IDO2: variants seen among roughly 807,000 people sequenced by gnomAD.
The protein encoded by IDO2 is indoleamine 2,3-dioxygenase-like 1 protein.
IDO2 carries 46 observed loss-of-function variants against 45.1 expected under a neutral mutation model. The observed-to-expected ratio is 1.02, with a 90% CI of 0.80 to 1.30. The LOEUF (loss-of-function observed/expected upper bound fraction) is 1.30, where lower values mean the gene tolerates loss of function less well. IDO2 is among the 50% of genes most tolerant of loss of function. The pLI is 0.00. For synonymous variants in IDO2, 218 were observed against 184.9 expected (o/e 1.18, Z -1.45); for missense variants, 544 against 491.8 (o/e 1.11, Z -1.00).
At chr8:39,978,700 T>G (rs947829596) in intron 3 of IDO2, among the ~76,000 whole-genome samples, 1 of 151,962 alleles carries the variant, frequency 6.6e-6, no homozygotes, top group African/African-American at 2.4e-5. Flanking sequence ...CTTGTAAAAG[T>G]TGCCATGCAA....
chr8:40,007,335 G>A (rs538392407), intron 9 of IDO2, among the ~76,000 whole-genome samples: 4 of 152,192 alleles, frequency 2.6e-5, no homozygotes, highest in African/African-American at 4.8e-5. Context: ...TGTGTTTGAC[G>A]TGTGAAGCAC....
intron 1 of IDO2, among the ~76,000 whole-genome samples, chr8:39,943,876 C>T (rs2129593083): frequency 6.6e-6 from 1 of 152,218 alleles, no homozygotes; most frequent in South Asian, 2.1e-4. Flanking sequence ...TACTTTAAGT[C>T]CTAGCCAGAG....
At chr8:39,943,663 G>C (rs980494695) in intron 1 of IDO2, among the ~76,000 whole-genome samples, 2 of 148,320 alleles carry the variant, frequency 1.3e-5, no homozygotes, top group African/African-American at 5.0e-5. Flanking sequence ...CGTGAACCCC[G>C]GGGGGCGGAG....
chr8:39,935,127 C>T (rs1807525938), exon 1 of IDO2: 6 of 1,360,994 alleles, frequency 4.4e-6, no homozygotes, highest in South Asian at 1.2e-5. Context: ...GCAATGGACA[C>T]CTAAAGAACA....
intron 3 of IDO2, among the ~76,000 whole-genome samples, chr8:39,971,482 A>C (rs1357865528): frequency 6.6e-6 from 1 of 152,166 alleles, no homozygotes; most frequent in Non-Finnish European, 1.5e-5. Context: ...TTGGCTTTCA[A>C]GTCTTATTAT....
Position 39,989,703 on chromosome 8 carries a change from C to T in IDO2, c.550-18C>T, listed in dbSNP as rs947781411. ...TAAGGGAGTGCTAATAAGTTGTGTA[C>T]ATGCATCTCATCCCTAGGCTCTTGT... On this transcript the variant is annotated intron_variant, in intron 7 of 10. Transcript: ENST00000502986. 6.6e-7 allele frequency: 1 copy of T among 1,518,808 alleles called. No individual in the cohort carries two copies. Among genetic ancestry groups the T allele is most frequent in the Non-Finnish European group, 9.0e-7 (1 of 1,115,006 alleles). 94.1% of individuals were successfully genotyped at this position (1,518,808 alleles called of 1,614,324 possible). A position where few individuals can be genotyped will look rare whatever the true frequency, so the allele number is the denominator to read the frequency against.
exon 8 of IDO2, chr8:39,989,788 G>C: frequency 6.2e-7 from 1 of 1,605,088 alleles, no homozygotes; most frequent in Non-Finnish European, 8.5e-7. Context: ...GCCCTGCAGC[G>C]ACTGAGACTG....
chr8:39,968,092 A>AC, intron 3 of IDO2, among the ~76,000 whole-genome samples: 1 of 152,176 alleles, frequency 6.6e-6, no homozygotes, highest in South Asian at 2.1e-4. Flanking sequence ...AAAAAAAAAA[A>AC]ATCTGGAAGA....
At chr8:40,002,637 T>G (rs1585419178) in intron 8 of IDO2, among the ~76,000 whole-genome samples, 1 of 152,094 alleles carries the variant, frequency 6.6e-6, no homozygotes, top group East Asian at 1.9e-4. Flanking sequence ...AATACAAAAA[T>G]TAGCTGGACG....
At chr8:39,957,623 A>C (rs1287054741) in intron 2 of IDO2, among the ~76,000 whole-genome samples, 5 of 152,130 alleles carry the variant, frequency 3.3e-5, no homozygotes, top group African/African-American at 1.2e-4. Flanking sequence ...AAAAAACGTA[A>C]AATGAAAATA....
chr8:39,997,794 T>C (rs1585416962), intron 8 of IDO2: 1 of 153,508 alleles, frequency 6.5e-6, no homozygotes, highest in East Asian at 1.9e-4. Context: ...GTCGTTGTCT[T>C]CTGATATTTC....
At position 40,001,245 on chromosome 8, in the gene IDO2, A is replaced by ATTTT. The variant is rs1187145007; in HGVS notation, c.668-4061_668-4058dup. On this transcript the variant is annotated intron_variant, in intron 8 of 10. Coordinates refer to ENST00000502986, the Ensembl canonical transcript of IDO2. ...TTCTGTAAAATATGTGGCTTTCCTC[A>ATTTT]TTTTTTTTTTTTTTTTTTTTTTTTG... Among the ~76,000 whole-genome samples the ATTTT allele has an allele frequency of 7.1e-3, 675 of 94,434 alleles. 6 individuals carry two copies. The highest frequency in any genetic ancestry group is 7.8e-3 in the Non-Finnish European group (425 of 54,156). The allele number at this position is 94,434 out of a possible 152,430, so 62.0% of individuals were successfully genotyped here. A position where few individuals can be genotyped will look rare whatever the true frequency, so the allele number is the denominator to read the frequency against.
intron 9 of IDO2, among the ~76,000 whole-genome samples, chr8:40,007,675 A>G (rs1193651120): frequency 6.6e-6 from 1 of 152,194 alleles, no homozygotes; most frequent in Non-Finnish European, 1.5e-5. Flanking sequence ...TTTGCTTCAC[A>G]TTGCTCTCTA....
chr8:39,961,518 C>T (rs1332991153), intron 2 of IDO2, among the ~76,000 whole-genome samples: 1 of 151,922 alleles, frequency 6.6e-6, no homozygotes, highest in Admixed American at 6.6e-5. Flanking sequence ...GACAGGATTT[C>T]ACCATGTTGG....
intron 2 of IDO2, among the ~76,000 whole-genome samples, chr8:39,962,378 T>C (rs957892130): frequency 2.6e-5 from 4 of 152,226 alleles, no homozygotes; most frequent in Non-Finnish European, 4.4e-5. Flanking sequence ...TCTGACTTTA[T>C]ATCTTAAAGT....
Position 40,013,588 on chromosome 8 carries a change from C to A in IDO2, c.743C>A (p.Pro248His), listed in dbSNP as rs113431572. The A allele has an allele frequency of 4.4e-4, 718 of 1,613,786 alleles. 13 individuals are homozygous for A. The Middle Eastern group carries it at 0.012, about 28-fold the overall frequency. Residue 248 changes from proline (P) to histidine (H), a missense_variant, in exon 10 of 11, where the codon CCT (proline) becomes CAT (histidine). By Grantham distance (77) the Pro-to-His change is moderately conservative (BLOSUM62 -2). Transcript: ENST00000502986. ...AGATGGAAAGACAACCCAGCAATGC[C>A]TGCAGGGCTGATGTATGAAGGAGTT...
intron 1 of IDO2, among the ~76,000 whole-genome samples, chr8:39,937,498 A>G (rs1807570341): frequency 1.3e-5 from 2 of 151,794 alleles, no homozygotes; most frequent in African/African-American, 4.8e-5. Flanking sequence ...TTTCTATGAG[A>G]ATTTAAAACT....
At chr8:40,015,323 T>C in exon 11 of IDO2, 2 of 1,613,852 alleles carry the variant, frequency 1.2e-6, no homozygotes, top group South Asian at 2.2e-5. Context: ...ACTCAGCACC[T>C]TCCCTGAGGG....
intron 2 of IDO2, among the ~76,000 whole-genome samples, chr8:39,958,942 A>G (rs78587687): frequency 0.065 from 9,870 of 152,220 alleles, 424 homozygotes; most frequent in Non-Finnish European, 0.096. Context: ...TGATCCAGAA[A>G]CAAAAGAATG....
Sources: allele counts gnomAD v4.1 joint callset (sites outside exome capture counted in the v4.1 genomes callset), GRCh38; gene constraint gnomAD v4.1.1; transcripts MANE v1.5; gene names NCBI Gene and HGNC (gene_info 2026-07-23, HGNC 2026-07-21).